AUTS2: variants seen among roughly 807,000 people sequenced by gnomAD.
The protein encoded by AUTS2 is autism susceptibility gene 2 protein.
AUTS2 carries 17 observed loss-of-function variants against 112.4 expected under a neutral mutation model. That is an observed-to-expected ratio of 0.15 (90% CI 0.10 to 0.23). The LOEUF (loss-of-function observed/expected upper bound fraction) is 0.23, where lower values mean the gene tolerates loss of function less well. Among genes scored for constraint, AUTS2 ranks in the 10% least tolerant of loss-of-function variants. The pLI, the probability that AUTS2 is intolerant of heterozygous loss-of-function variation, is 1.00. For missense variants in AUTS2, 1,510 were observed against 1,701.6 expected (o/e 0.89, Z 1.98); for synonymous variants, 751 against 702.7 (o/e 1.07, Z -1.09).
intron 5 of AUTS2, among the ~76,000 whole-genome samples, chr7:70,552,124 G>A (rs915570379): frequency 1.3e-5 from 2 of 152,166 alleles, no homozygotes; most frequent in Admixed American, 6.5e-5. Context: ...GTGCATGTGC[G>A]TGTGTGTTTA....
chr7:69,805,532 AG>A (rs1286040780), intron 1 of AUTS2, among the ~76,000 whole-genome samples: 4 of 152,252 alleles, frequency 2.6e-5, no homozygotes, highest in Admixed American at 2.6e-4. Flanking sequence ...ACTATAAAAA[AG>A]AACCAAATTG....
In AUTS2 at chr7:70,118,113, T is replaced by C. The variant is rs753734077; in HGVS notation, c.523-19T>C. 1 of 1,572,526 alleles carries C rather than the reference T, an allele frequency of 6.4e-7. No homozygotes were observed. Among genetic ancestry groups the C allele is most frequent in the Non-Finnish European group, 8.6e-7 (1 of 1,167,540 alleles). ...AGACCACTAACTTTTTCCTTTTTTC[T>C]CTTTTCTTTTGCCTTTAGCTCAAGC... On this transcript the variant is annotated intron_variant, in intron 2 of 18. Transcript: ENST00000342771.
At chr7:70,011,640 A>T (rs1343036673) in intron 2 of AUTS2, among the ~76,000 whole-genome samples, 5 of 152,144 alleles carry the variant, frequency 3.3e-5, no homozygotes, top group Admixed American at 6.5e-5. Context: ...GTATAAATGG[A>T]AGGTGGGCAG....
At chr7:70,171,557 CA>C (rs899921568) in intron 4 of AUTS2, among the ~76,000 whole-genome samples, 5 of 151,694 alleles carry the variant, frequency 3.3e-5, no homozygotes, top group East Asian at 3.9e-4. Context: ...AGGCAACATC[CA>C]AAAAAAACAT....
At chr7:69,797,418 T>A (rs1374413048) in intron 1 of AUTS2, among the ~76,000 whole-genome samples, 2 of 152,202 alleles carry the variant, frequency 1.3e-5, no homozygotes, top group African/African-American at 4.8e-5. Context: ...CACTCAGTAT[T>A]TCTGGGGCTG....
rs1554395051 is a variant in AUTS2 at position 69,870,448 on chromosome 7, A to AATATATATATGTGTATATATAT, written c.310-28828_310-28827insGTGTATATATATATATATATAT. Among the ~76,000 whole-genome samples, 4 of 78,964 alleles carry AATATATATATGTGTATATATAT rather than the reference A, an allele frequency of 5.1e-5. No homozygotes were observed. In the East Asian group the frequency reaches 1.6e-3, roughly 32 times the overall value. The allele number at this position is 78,964 out of a possible 152,430, so 51.8% of individuals were successfully genotyped here. On this transcript the variant is annotated intron_variant, in intron 1 of 18. Coordinates refer to ENST00000342771, the MANE Select transcript of AUTS2 (RefSeq NM_015570.4). ...TACATATCTGTGCGTATGTGTGTGTAATATATATATATATATATGTATTCA... is the reference window on the plus strand; with the variant it reads ...TACATATCTGTGCGTATGTGTGTGTAATATATATATGTGTATATATATATATATATATATATATATGTATTCA...
intron 4 of AUTS2, among the ~76,000 whole-genome samples, chr7:70,365,341 A>G (rs1453747227): frequency 6.6e-6 from 1 of 152,238 alleles, no homozygotes; most frequent in Non-Finnish European, 1.5e-5. Context: ...TGAGGAACCA[A>G]TACATGTGGT....
At chr7:69,980,747 C>T (rs1426753215) in intron 2 of AUTS2, among the ~76,000 whole-genome samples, 5 of 152,112 alleles carry the variant, frequency 3.3e-5, no homozygotes, top group African/African-American at 1.2e-4. Context: ...AAATTGATGT[C>T]CAAGTATCAA....
intron 2 of AUTS2, among the ~76,000 whole-genome samples, chr7:70,028,693 T>C (rs1800635213): frequency 6.6e-6 from 1 of 152,156 alleles, no homozygotes; most frequent in Non-Finnish European, 1.5e-5. Context: ...AATATTTTTC[T>C]CTCTCTTTAC....
At chr7:70,406,056 C>G (rs1794520756) in intron 4 of AUTS2, among the ~76,000 whole-genome samples, 1 of 152,098 alleles carries the variant, frequency 6.6e-6, no homozygotes, top group Non-Finnish European at 1.5e-5. Flanking sequence ...AAAGAAAACA[C>G]TCTTTTCACG....
intron 4 of AUTS2, among the ~76,000 whole-genome samples, chr7:70,145,252 G>GAA (rs1807069153): frequency 6.6e-6 from 1 of 152,072 alleles, no homozygotes; most frequent in Admixed American, 6.6e-5. Flanking sequence ...TCTGGAAAGA[G>GAA]TTTTGAGACA....
chr7:70,646,361 A>G (rs747477019), intron 5 of AUTS2, among the ~76,000 whole-genome samples: 6 of 152,330 alleles, frequency 3.9e-5, no homozygotes, highest in Admixed American at 6.5e-5. Flanking sequence ...TGCCTCCGTC[A>G]TGTCAGGAAG....
intron 5 of AUTS2, among the ~76,000 whole-genome samples, chr7:70,502,239 A>G (rs576653994): frequency 2.1e-4 from 32 of 152,282 alleles, no homozygotes; most frequent in South Asian, 4.2e-4. Context: ...CTTCAGGTCC[A>G]CCTCGTACCC....
intron 17 of AUTS2, 42 bp downstream of exon 17, chr7:70,786,080 A>G (rs1791451290): frequency 6.5e-7 from 1 of 1,529,240 alleles, no homozygotes; most frequent in African/African-American, 1.4e-5. Context: ...TGGACTTTTT[A>G]TCTCCTGTGA....
intron 4 of AUTS2, among the ~76,000 whole-genome samples, chr7:70,262,520 A>G (rs773368076): frequency 1.3e-5 from 2 of 152,196 alleles, no homozygotes; most frequent in Non-Finnish European, 2.9e-5. Context: ...ACCTTGTTTT[A>G]TATATCAAAG....
intron 2 of AUTS2, among the ~76,000 whole-genome samples, chr7:70,086,401 G>A (rs1049843021): frequency 6.6e-6 from 1 of 152,098 alleles, no homozygotes; most frequent in African/African-American, 2.4e-5. Flanking sequence ...TAGCACTTTG[G>A]GAGGCTGAGG....
chr7:70,439,171 C>G (rs1796018645), intron 5 of AUTS2, among the ~76,000 whole-genome samples: 1 of 152,228 alleles, frequency 6.6e-6, no homozygotes, highest in African/African-American at 2.4e-5. Flanking sequence ...AGCAAAGTAT[C>G]TCCCTTATCC....
At chr7:70,053,270 A>G (rs956291008) in intron 2 of AUTS2, among the ~76,000 whole-genome samples, 1 of 152,168 alleles carries the variant, frequency 6.6e-6, no homozygotes, top group African/African-American at 2.4e-5. Flanking sequence ...GTTCCTTATT[A>G]AAGAAGCATC....
intron 2 of AUTS2, among the ~76,000 whole-genome samples, chr7:69,998,615 A>G (rs1015786922): frequency 4.6e-5 from 7 of 152,240 alleles, no homozygotes; most frequent in African/African-American, 7.2e-5. Flanking sequence ...AGCTCCTAAC[A>G]TATGTCATGC....
Sources: gnomAD v4.1 joint callset for allele counts (sites outside exome capture counted in the v4.1 genomes callset) on GRCh38, gnomAD v4.1.1 for gene constraint, MANE v1.5 for transcripts, NCBI Gene and HGNC (gene_info 2026-07-23, HGNC 2026-07-21) for gene names.